The following PARM1 variants were observed in gnomAD, a reference collection of about 807,000 sequenced individuals.
The protein encoded by PARM1 is WSC4, cell wall integrity and stress response component 4 homolog.
Under a neutral mutation model 24.6 loss-of-function variants are expected in PARM1, and 14 were observed. That is an observed-to-expected ratio of 0.57 (90% CI 0.38 to 0.89). PARM1 has a LOEUF of 0.89. PARM1 is among the 40% of genes least tolerant of loss of function. The pLI is 0.00. For synonymous variants in PARM1, 179 were observed against 156.6 expected (o/e 1.14, Z -1.07); for missense variants, 362 against 380.4 (o/e 0.95, Z 0.40).
At chr4:74,936,338 G>A (rs570402998) in intron 1 of PARM1, among the ~76,000 whole-genome samples, 1 of 152,210 alleles carries the variant, frequency 6.6e-6, no homozygotes, top group East Asian at 1.9e-4. Flanking sequence ...AGAAGGGAAC[G>A]AGAATGGCAG....
At chr4:74,954,085 C>G (rs1721584369) in intron 1 of PARM1, among the ~76,000 whole-genome samples, 1 of 152,158 alleles carries the variant, frequency 6.6e-6, no homozygotes, top group South Asian at 2.1e-4. Context: ...AGCTCTAAGG[C>G]TCAATATCCA....
At chr4:74,936,037 G>A (rs950690930) in intron 1 of PARM1, among the ~76,000 whole-genome samples, 2 of 152,020 alleles carry the variant, frequency 1.3e-5, no homozygotes, top group African/African-American at 2.4e-5. Context: ...GTATTCCTAT[G>A]CTGCCCAGGT....
intron 1 of PARM1, among the ~76,000 whole-genome samples, chr4:74,979,957 A>C (rs191688155): frequency 1.3e-5 from 2 of 152,250 alleles, no homozygotes; most frequent in Admixed American, 1.3e-4. Flanking sequence ...AGCTATTGTA[A>C]GAACATACCT....
chr4:75,021,708 G>C (rs1250756646), intron 2 of PARM1, among the ~76,000 whole-genome samples: 3 of 152,132 alleles, frequency 2.0e-5, no homozygotes, highest in South Asian at 2.1e-4. Flanking sequence ...AGAACATGCA[G>C]TGTTTGGTTT....
chr4:75,017,346 C>T (rs1723008244), intron 2 of PARM1, among the ~76,000 whole-genome samples: 1 of 152,178 alleles, frequency 6.6e-6, no homozygotes, highest in Non-Finnish European at 1.5e-5. Context: ...CTCACCTCGT[C>T]CACTCTCACC....
At position 74,998,098 on chromosome 4, in the gene PARM1, G is replaced by A. The variant is rs544834818; in HGVS notation, c.44-14327G>A. Among the ~76,000 whole-genome samples, 281 of 152,122 alleles carry A rather than the reference G, an allele frequency of 1.8e-3. 1 individual carries two copies. Among genetic ancestry groups the A allele is most frequent in the Non-Finnish European group, 2.5e-3 (170 of 68,018 alleles). On this transcript the variant is annotated intron_variant, in intron 1 of 3. Transcript: ENST00000307428. ...CCACAGATTTTCATCAGAATATGCT[G>A]TACTCCAATCACAGTGCCAATGACA... is the stretch of plus-strand genomic sequence containing the variant.
intron 1 of PARM1, among the ~76,000 whole-genome samples, chr4:74,971,263 G>A (rs536026208): frequency 6.6e-6 from 1 of 152,228 alleles, no homozygotes; most frequent in South Asian, 2.1e-4. Flanking sequence ...GTGTGTACAG[G>A]GGAGCTGCCC....
chr4:75,037,960 A>G (rs371933503), intron 3 of PARM1, among the ~76,000 whole-genome samples: 16 of 152,326 alleles, frequency 1.1e-4, no homozygotes, highest in East Asian at 7.7e-4. Flanking sequence ...TCTGTCACCC[A>G]GGCTGGAGTG....
chr4:74,985,311 C>G (rs1055798790), intron 1 of PARM1, among the ~76,000 whole-genome samples: 5 of 152,154 alleles, frequency 3.3e-5, no homozygotes, highest in Admixed American at 6.5e-5. Context: ...CCATGACCTA[C>G]TTAATTGGCT....
intron 3 of PARM1, among the ~76,000 whole-genome samples, chr4:75,044,830 A>G (rs1723568659): frequency 6.6e-6 from 1 of 152,194 alleles, no homozygotes; most frequent in African/African-American, 2.4e-5. Flanking sequence ...GGCACAAGTC[A>G]CATCTTATGT....
Position 74,974,720 on chromosome 4 carries a change from G to A in PARM1, c.44-37705G>A, listed in dbSNP as rs535109195. 2.6e-5 allele frequency among the ~76,000 whole-genome samples: 4 copies of A among 152,260 alleles called. No individual in the cohort carries two copies. The South Asian group carries it at 8.3e-4, about 32-fold the overall frequency. Reference sequence around the variant, plus strand: ...ATTCCCTTAAAATTCAGATATTGAAGCCCTTAAGCTTCAATGTGATGGTAT... The same window carrying A: ...ATTCCCTTAAAATTCAGATATTGAAACCCTTAAGCTTCAATGTGATGGTAT... On this transcript the variant is annotated intron_variant, in intron 1 of 3. Transcript: ENST00000307428.
In PARM1 at chr4:75,013,018, G is replaced by A. The variant is rs1306604596; in HGVS notation, c.637G>A (p.Glu213Lys). ...DHTPTSHATA[E>K]PVPQEKTPPT... Reference sequence around the variant, plus strand: ...CACACCCACTTCACATGCCACAGCTGAGCCAGTACCCCAGGAGAAAACACC... The same window carrying A: ...CACACCCACTTCACATGCCACAGCTAAGCCAGTACCCCAGGAGAAAACACC... Residue 213 changes from glutamate (E) to lysine (K), a missense_variant, in exon 2 of 4, where the codon GAG (glutamate) becomes AAG (lysine). Coordinates refer to ENST00000307428, the MANE Select transcript of PARM1 (RefSeq NM_015393.4). The A allele has an allele frequency of 5.0e-6, 8 of 1,613,872 alleles. No individual in the cohort carries two copies. The African/African-American group carries it at 9.3e-5, about 19-fold the overall frequency.
chr4:75,018,516 G>A (rs535314740), intron 2 of PARM1, among the ~76,000 whole-genome samples: 100 of 152,254 alleles, frequency 6.6e-4, no homozygotes, highest in African/African-American at 2.2e-3. Flanking sequence ...TAGTAGGCAC[G>A]TCACTTAGCT....
At chr4:74,987,787 G>A (rs1722384986) in intron 1 of PARM1, among the ~76,000 whole-genome samples, 1 of 152,162 alleles carries the variant, frequency 6.6e-6, no homozygotes, top group African/African-American at 2.4e-5. Context: ...ATTAAAATCA[G>A]ATGTAAAGAA....
intron 1 of PARM1, chr4:74,956,626 AT>A (rs1188692394): frequency 6.6e-6 from 1 of 152,168 alleles, no homozygotes; most frequent in Non-Finnish European, 1.5e-5. Flanking sequence ...ACATGGCCTG[AT>A]TCAAAACAGG....
Position 75,046,280 on chromosome 4 carries a change from G to C in PARM1, c.*33G>C. ...ATATGGCCTGGGATGAGGATTAACT[G>C]TTCTTTATTTATAAGTGCTTATCCA... On this transcript the variant is annotated 3_prime_UTR_variant, in exon 4 of 4. Transcript: ENST00000307428. 2.2e-6 allele frequency: 3 copies of C among 1,367,866 alleles called. No individual in the cohort carries two copies. The highest frequency in any genetic ancestry group is 3.1e-6 in the Non-Finnish European group (3 of 957,118). 84.7% of individuals were successfully genotyped at this position (1,367,866 alleles called of 1,614,324 possible).
At chr4:74,965,274 C>G (rs1721873641) in intron 1 of PARM1, 6 of 152,192 alleles carry the variant, frequency 3.9e-5, no homozygotes, top group Admixed American at 3.9e-4. Flanking sequence ...CTTCAGGTGA[C>G]TTCTGCGCAG....
chr4:75,003,789 C>T (rs940369657), intron 1 of PARM1, among the ~76,000 whole-genome samples: 12 of 152,128 alleles, frequency 7.9e-5, no homozygotes, highest in Non-Finnish European at 1.2e-4. Flanking sequence ...TGTGTAGGTG[C>T]GAAACTTTTG....
In PARM1 at chr4:74,978,965, A is replaced by G. The variant is rs377235167; in HGVS notation, c.44-33460A>G. Among the ~76,000 whole-genome samples, 90 of 152,274 alleles carry G rather than the reference A, an allele frequency of 5.9e-4. 1 individual carries two copies. Among genetic ancestry groups the G allele is most frequent in the African/African-American group, 2.1e-3 (86 of 41,576 alleles). ...TTTGGGATGCAGCTAAAGCAGTGTTAGGAGGGAAATTTATAGCACTAAATG... is the reference window on the plus strand; with the variant it reads ...TTTGGGATGCAGCTAAAGCAGTGTTGGGAGGGAAATTTATAGCACTAAATG... On this transcript the variant is annotated intron_variant, in intron 1 of 3. Coordinates refer to ENST00000307428, the MANE Select transcript of PARM1 (RefSeq NM_015393.4).
Sources: gnomAD v4.1 joint callset for allele counts (sites outside exome capture counted in the v4.1 genomes callset) on GRCh38, gnomAD v4.1.1 for gene constraint, MANE v1.5 for transcripts, NCBI Gene and HGNC (gene_info 2026-07-23, HGNC 2026-07-21) for gene names.